The following MYB variants were observed in gnomAD, a reference collection of about 807,000 sequenced individuals.
MYB encodes transcriptional activator Myb.
In MYB, 28 loss-of-function variants were observed where a neutral mutation model predicts 92.9. The ratio of observed to expected loss-of-function variants is 0.30; its 90% confidence interval spans 0.22 to 0.41. MYB has a LOEUF of 0.41. Among genes scored for constraint, MYB ranks in the 10% least tolerant of loss-of-function variants. MYB has a pLI of 1.00. For missense variants in MYB, 679 were observed against 929.3 expected, an observed-to-expected ratio of 0.73 and a Z score of 3.50; for synonymous variants, 295 against 329.1, an observed-to-expected ratio of 0.90 and a Z score of 1.12.
intron 15 of MYB, among the ~76,000 whole-genome samples, chr6:135,206,468 C>T (rs543893418): frequency 2.5e-4 from 38 of 151,682 alleles, no homozygotes; most frequent in South Asian, 2.3e-3. Context: ...GAGGCAGAGG[C>T]GGGTGGATCA....
chr6:135,207,582 A>G (rs1470734445), intron 15 of MYB, among the ~76,000 whole-genome samples: 1 of 152,200 alleles, frequency 6.6e-6, no homozygotes, highest in Non-Finnish European at 1.5e-5. Flanking sequence ...CACATGCAAT[A>G]TATATAAATT....
Position 135,196,137 on chromosome 6 carries a change from T to G in MYB, c.1203+135T>G, listed in dbSNP as rs80311400. 925 of 918,088 alleles carry G rather than the reference T, an allele frequency of 1.0e-3. 6 individuals carry two copies. In the African/African-American group the frequency reaches 0.014, roughly 14 times the overall value. 56.9% of individuals were successfully genotyped at this position (918,088 alleles called of 1,614,324 possible). A position where few individuals can be genotyped will look rare whatever the true frequency, so the allele number is the denominator to read the frequency against. ...TGTAAAGGTAGAAGTATGATTTTCA[T>G]CTTCATGAATATGTTTTTTCAAAGA... On this transcript the variant is annotated intron_variant, in intron 9 of 15. Coordinates refer to ENST00000341911, the MANE Select transcript of MYB (RefSeq NM_001130173.2).
intron 8 of MYB, chr6:135,195,450 T>A (rs1777172258): frequency 2.7e-6 from 1 of 373,710 alleles, no homozygotes. Flanking sequence ...TATATTAAAG[T>A]GGAATTTTAA....
chr6:135,187,363 A>G (rs1434496488), intron 2 of MYB, among the ~76,000 whole-genome samples: 1 of 152,222 alleles, frequency 6.6e-6, no homozygotes, highest in Non-Finnish European at 1.5e-5. Flanking sequence ...ATTTATTACC[A>G]TAGGTAAATG....
chr6:135,200,887 G>A (rs907593047), intron 13 of MYB, among the ~76,000 whole-genome samples: 1 of 152,030 alleles, frequency 6.6e-6, no homozygotes, highest in Non-Finnish European at 1.5e-5. Context: ...GATCATCCTG[G>A]CTAACATGGT....
At chr6:135,187,788 A>T in intron 2 of MYB, 46 bp from the exon 3 acceptor site, 1 of 1,341,544 alleles carries the variant, frequency 7.5e-7, no homozygotes, top group Non-Finnish European at 1.1e-6. Flanking sequence ...GAACAGAGTT[A>T]TATAGTAAAT....
At chr6:135,186,899 G>T (rs1456772141) in intron 2 of MYB, among the ~76,000 whole-genome samples, 1 of 152,184 alleles carries the variant, frequency 6.6e-6, no homozygotes, top group East Asian at 1.9e-4. Flanking sequence ...CTCTTCTTCA[G>T]TTTCACTGTT....
At chr6:135,207,261 CATA>C (rs753005376) in intron 15 of MYB, among the ~76,000 whole-genome samples, 2 of 152,176 alleles carry the variant, frequency 1.3e-5, no homozygotes, top group East Asian at 3.9e-4. Flanking sequence ...ACATTTTTGT[CATA>C]ATGTTTTTAT....
At position 135,181,728 on chromosome 6, in the gene MYB, A is replaced by G. The variant is rs77014071; in HGVS notation, c.23+192A>G. 7.7e-3 allele frequency among the ~76,000 whole-genome samples: 1,178 copies of G among 152,318 alleles called. 13 individuals are homozygous for G. Among genetic ancestry groups the G allele is most frequent in the South Asian group, 0.03 (143 of 4,830 alleles). ...TGATGAATGGAAGAGTCTTTGCGGG[A>G]AATGTATCCGGACGTTGGGAAGCAC... is the stretch of plus-strand genomic sequence containing the variant. On this transcript the variant is annotated intron_variant, in intron 1 of 15. Coordinates refer to ENST00000341911, the MANE Select transcript of MYB (RefSeq NM_001130173.2). The surrounding 1 kb of genome is among the most constrained non-coding windows in gnomAD (Gnocchi z 5.3).
At chr6:135,191,960 G>A (rs1465990726) in intron 5 of MYB, among the ~76,000 whole-genome samples, 4 of 152,158 alleles carry the variant, frequency 2.6e-5, no homozygotes, top group African/African-American at 7.2e-5. Flanking sequence ...ACATTCAAAG[G>A]AGTAATTTCC....
chr6:135,211,931 A>C (rs1029322814), intron 15 of MYB, among the ~76,000 whole-genome samples: 2 of 152,194 alleles, frequency 1.3e-5, no homozygotes, highest in Admixed American at 1.3e-4. Flanking sequence ...GGTAACCATT[A>C]ATCTTACCTT....
chr6:135,196,190 C>T (rs1021353090), intron 9 of MYB, among the ~76,000 whole-genome samples, 188 bp downstream of exon 9: 8 of 151,716 alleles, frequency 5.3e-5, no homozygotes, highest in Non-Finnish European at 7.4e-5. Flanking sequence ...CCGAGAGAGA[C>T]AAAAGTATTT....
chr6:135,181,430 G>A lies in MYB; in HGVS notation c.-84G>A. The A allele has an allele frequency of 8.1e-6, 8 of 982,622 alleles. No homozygotes were observed. The South Asian group carries it at 1.1e-4, about 14-fold the overall frequency. The allele number at this position is 982,622 out of a possible 1,614,324, so 60.9% of individuals were successfully genotyped here. A position where few individuals can be genotyped will look rare whatever the true frequency, so the allele number is the denominator to read the frequency against. ...GAGCGCCGCTGCGCAGCCGGGGAGG[G>A]ACGCAGGCAGGCGGCGGGCAGCGGG... On this transcript the variant is annotated 5_prime_UTR_variant, in exon 1 of 16. Transcript: ENST00000341911. The surrounding 1 kb of genome is among the most constrained non-coding windows in gnomAD (Gnocchi z 5.3).
intron 15 of MYB, among the ~76,000 whole-genome samples, chr6:135,204,484 A>G (rs1253598338): frequency 6.6e-6 from 1 of 150,472 alleles, no homozygotes; most frequent in Non-Finnish European, 1.5e-5. Flanking sequence ...GTATTTTTGG[A>G]TAGAGACAAG....
At chr6:135,200,998 G>A (rs1224028551) in intron 13 of MYB, among the ~76,000 whole-genome samples, 1 of 152,074 alleles carries the variant, frequency 6.6e-6, no homozygotes, top group Non-Finnish European at 1.5e-5. Context: ...ATTATGGTGT[G>A]AACCCGGGAG....
intron 5 of MYB, among the ~76,000 whole-genome samples, chr6:135,191,907 A>ACTT (rs975962045): frequency 1.3e-5 from 2 of 152,174 alleles, no homozygotes; most frequent in Non-Finnish European, 2.9e-5. Flanking sequence ...CATCCACCAG[A>ACTT]CTTCACCATG....
intron 11 of MYB, 36 bp downstream of exon 11, chr6:135,199,086 T>C: frequency 6.8e-7 from 1 of 1,466,174 alleles, no homozygotes; most frequent in Non-Finnish European, 9.2e-7. Context: ...TGATTTATCT[T>C]ATTTACTTAT....
intron 4 of MYB, 31 bp downstream of exon 4, chr6:135,189,914 A>G (rs752523827): frequency 1.0e-5 from 16 of 1,564,366 alleles, no homozygotes; most frequent in Non-Finnish European, 1.4e-5. Context: ...TGTGTGACTC[A>G]TAATTAAGAA....
Position 135,206,223 on chromosome 6 carries a change from A to AT in MYB, c.2169+2899_2169+2900insT, listed in dbSNP as rs1432792264. ...TCCATCTCAAAAAAAAAAAAAAAAA[A>AT]AAAATAATAATAATAATAATAATAA... On this transcript the variant is annotated intron_variant, in intron 15 of 15. Coordinates refer to ENST00000341911, the MANE Select transcript of MYB (RefSeq NM_001130173.2). Among the ~76,000 whole-genome samples, 178 of 130,682 alleles carry AT rather than the reference A, an allele frequency of 1.4e-3. 1 individual carries two copies. The highest frequency in any genetic ancestry group is 4.0e-3 in the Middle Eastern group (1 of 252). 85.7% of individuals were successfully genotyped at this position (130,682 alleles called of 152,430 possible). A position where few individuals can be genotyped will look rare whatever the true frequency, so the allele number is the denominator to read the frequency against.
Sources: allele counts gnomAD v4.1 joint callset (sites outside exome capture counted in the v4.1 genomes callset), GRCh38; gene constraint gnomAD v4.1.1; non-coding constraint Gnocchi (gnomAD v3.1); transcripts MANE v1.5; gene names NCBI Gene and HGNC (gene_info 2026-07-23, HGNC 2026-07-21).